The following PLEKHA1 variants were observed in gnomAD, a reference collection of about 807,000 sequenced individuals.
PLEKHA1 encodes the protein pleckstrin homology domain-containing family A member 1.
Under a neutral mutation model 52.0 loss-of-function variants are expected in PLEKHA1, and 34 were observed. The ratio of observed to expected loss-of-function variants is 0.65; its 90% CI spans 0.50 to 0.87. PLEKHA1 has a LOEUF of 0.87. PLEKHA1 is among the 40% of genes least tolerant of loss of function. The pLI is 0.00. For missense variants in PLEKHA1, 497 were observed against 504.2 expected, an observed-to-expected ratio of 0.99 and a Z score of 0.14; for synonymous variants, 163 against 170.7, an observed-to-expected ratio of 0.95 and a Z score of 0.35.
chr10:122,415,169 C>G, intron 6 of PLEKHA1, among the ~76,000 whole-genome samples: 1 of 152,148 alleles, frequency 6.6e-6, no homozygotes, highest in Non-Finnish European at 1.5e-5. Context: ...GGACGAATCT[C>G]TAGAGAATTA....
chr10:122,396,373 G>A (rs995314956), intron 2 of PLEKHA1, among the ~76,000 whole-genome samples: 75 of 151,978 alleles, frequency 4.9e-4, no homozygotes, highest in African/African-American at 1.7e-3. Flanking sequence ...AATCTAAAAC[G>A]TTATACATAA....
chr10:122,412,812 T>A (rs1169008405), intron 5 of PLEKHA1, 108 bp from the exon 6 acceptor site: 38 of 1,187,830 alleles, frequency 3.2e-5, no homozygotes, highest in Non-Finnish European at 4.1e-5. Context: ...TTTTTATATG[T>A]ATCTGTCAAC....
intron 5 of PLEKHA1, chr10:122,412,531 G>C (rs2097121738): frequency 6.1e-6 from 1 of 164,336 alleles, no homozygotes; most frequent in African/African-American, 2.4e-5. Flanking sequence ...GAGCACAGCA[G>C]TTGGGCTTGG....
At chr10:122,406,551 G>C (rs1252192774) in intron 4 of PLEKHA1, 25 bp from the exon 5 acceptor site, 1 of 1,543,202 alleles carries the variant, frequency 6.5e-7, no homozygotes, top group African/African-American at 1.4e-5. Flanking sequence ...ACAATATTTG[G>C]TGTGTTATTT....
chr10:122,377,544 A>G (rs531637656), intron 1 of PLEKHA1, among the ~76,000 whole-genome samples: 1 of 152,326 alleles, frequency 6.6e-6, no homozygotes, highest in East Asian at 1.9e-4. Flanking sequence ...TCTGAAAGGA[A>G]TGCTTTCAGA....
rs189199733 is a variant in PLEKHA1, at chr10:122,406,690, T to C, written c.342+17T>C. ...AAAATTACAGTAAGTATATGTATTT[T>C]TTTGAAAAACGTTCGATGTCTGGAA... On this transcript the variant is annotated intron_variant, in intron 5 of 11. Transcript: ENST00000368990. The C allele has an allele frequency of 2.2e-3, 3,344 of 1,552,062 alleles. 8 individuals carry two copies. Among genetic ancestry groups the C allele is most frequent in the Non-Finnish European group, 2.7e-3 (3,060 of 1,128,358 alleles).
At chr10:122,435,411 TGTG>T (rs2097434317), downstream of PLEKHA1, 1 of 152,206 alleles carries the variant, frequency 6.6e-6, no homozygotes, top group East Asian at 1.9e-4. Context: ...GGTATATTCA[TGTG>T]GTAATAGCGC....
rs181956089 is a variant in PLEKHA1, at chr10:122,402,468, G to C, written c.244+2080G>C. Among the ~76,000 whole-genome samples, 4 of 152,346 alleles carry C rather than the reference G, an allele frequency of 2.6e-5. No homozygotes were observed. In the East Asian group the frequency reaches 7.7e-4, roughly 29 times the overall value. On this transcript the variant is annotated intron_variant, in intron 4 of 11. Coordinates refer to ENST00000368990, the MANE Select transcript of PLEKHA1 (RefSeq NM_001001974.4). The stretch of plus-strand genomic sequence containing the variant: ...TTTTGATGGAGGGAGCAGAGTATCT[G>C]TAACCCTCAGTGTATAAAGTTGGAA...
At chr10:122,408,171 A>G (rs190690550) in intron 5 of PLEKHA1, among the ~76,000 whole-genome samples, 1 of 152,290 alleles carries the variant, frequency 6.6e-6, no homozygotes, top group African/African-American at 2.4e-5. Flanking sequence ...TTAGAAAGAT[A>G]ATATCTCGTA....
In PLEKHA1 at chr10:122,421,943, G is replaced by A. The variant is rs1351181233; in HGVS notation, c.682-2256G>A. On this transcript the variant is annotated intron_variant, in intron 8 of 11. Coordinates refer to ENST00000368990, the MANE Select transcript of PLEKHA1 (RefSeq NM_001001974.4). ...TGATGTGACTGATTTCAGAGCTGGG[G>A]CAGATAAAGTACAAGCTGAGCTCAG... The A allele has an allele frequency of 2.0e-5, 3 of 151,930 alleles. No individual in the cohort carries two copies. The East Asian group carries it at 5.8e-4, about 29-fold the overall frequency. The allele number at this position is 151,930 out of a possible 1,614,324, so 9.4% of individuals were successfully genotyped here.
chr10:122,381,605 C>T (rs927137326), intron 1 of PLEKHA1, among the ~76,000 whole-genome samples: 1 of 152,150 alleles, frequency 6.6e-6, no homozygotes, highest in African/African-American at 2.4e-5. Context: ...CCAGTCATGC[C>T]TCCTGTACAG....
intron 1 of PLEKHA1, among the ~76,000 whole-genome samples, chr10:122,382,140 A>C: frequency 6.6e-6 from 1 of 152,228 alleles, no homozygotes; most frequent in Non-Finnish European, 1.5e-5. Flanking sequence ...CTTTATTGAG[A>C]TAATTCACAC....
At chr10:122,418,582 C>G (rs1050715848) in intron 8 of PLEKHA1, 4 of 152,134 alleles carry the variant, frequency 2.6e-5, no homozygotes, top group Non-Finnish European at 5.9e-5. Context: ...ATTTAACCCT[C>G]TGTATTTCTT....
chr10:122,407,921 G>A (rs1042759030), intron 5 of PLEKHA1, among the ~76,000 whole-genome samples: 1 of 152,142 alleles, frequency 6.6e-6, no homozygotes, highest in Non-Finnish European at 1.5e-5. Context: ...AGTCAATATA[G>A]TTAAAGCTGT....
At chr10:122,420,835 C>A (rs560565324) in intron 8 of PLEKHA1, 1 of 152,302 alleles carries the variant, frequency 6.6e-6, no homozygotes, top group African/African-American at 2.4e-5. Flanking sequence ...AGGAGGCTGT[C>A]CTCTTGGGGG....
At chr10:122,388,468 A>G (rs1463240871) in intron 1 of PLEKHA1, among the ~76,000 whole-genome samples, 1 of 152,128 alleles carries the variant, frequency 6.6e-6, no homozygotes, top group African/African-American at 2.4e-5. Context: ...ACAAGGGTTT[A>G]TTTGACTACC....
chr10:122,404,766 C>T (rs1179833829), intron 4 of PLEKHA1, among the ~76,000 whole-genome samples: 1 of 152,182 alleles, frequency 6.6e-6, no homozygotes, highest in Non-Finnish European at 1.5e-5. Context: ...TTTTGTAGCA[C>T]TTTACAAGAT....
intron 1 of PLEKHA1, among the ~76,000 whole-genome samples, chr10:122,383,486 ATTTTT>A (rs5788548): frequency 7.2e-6 from 1 of 138,352 alleles, no homozygotes. Context: ...TGCCTGGCTA[ATTTTT>A]TTTTTTTTTT....
intron 3 of PLEKHA1, among the ~76,000 whole-genome samples, chr10:122,399,597 T>G (rs1015939709): frequency 7.1e-6 from 1 of 140,470 alleles, no homozygotes; most frequent in Non-Finnish European, 1.6e-5. Flanking sequence ...TTTATTTTTA[T>G]TTTTTGAGAT....
Sources: gnomAD v4.1 joint callset for allele counts (sites outside exome capture counted in the v4.1 genomes callset) on GRCh38, gnomAD v4.1.1 for gene constraint, MANE v1.5 for transcripts, NCBI Gene and HGNC (gene_info 2026-07-23, HGNC 2026-07-21) for gene names.